Variants in SEMA6D observed in about 807,000 individuals in gnomAD.
The protein encoded by SEMA6D is semaphorin-6D.
SEMA6D carries 35 observed loss-of-function variants against 106.6 expected under a neutral mutation model. The observed-to-expected ratio is 0.33, with a 90% CI of 0.25 to 0.44. The LOEUF (loss-of-function observed/expected upper bound fraction) is 0.44, where lower values mean the gene tolerates loss of function less well. Ranked by LOEUF, SEMA6D falls within the 20% of genes least tolerant of loss-of-function variation. SEMA6D has a pLI of 1.00. For missense variants in SEMA6D, 1,185 were observed against 1,345.9 expected (o/e 0.88, Z 1.87); for synonymous variants, 499 against 487.7 (o/e 1.02, Z -0.31).
At chr15:47,517,529 G>C (rs2044427655) in intron 3 of SEMA6D, among the ~76,000 whole-genome samples, 1 of 152,124 alleles carries the variant, frequency 6.6e-6, no homozygotes, top group Non-Finnish European at 1.5e-5. Flanking sequence ...TCAGGAAACA[G>C]ACTGGGAACA....
At chr15:47,643,156 C>T (rs971452100) in intron 4 of SEMA6D, among the ~76,000 whole-genome samples, 12 of 152,192 alleles carry the variant, frequency 7.9e-5, no homozygotes, top group Non-Finnish European at 1.5e-4. Flanking sequence ...TCTTTTTCAG[C>T]AGTAGCTGCA....
chr15:47,725,287 T>G (rs1417696417), intron 1 of SEMA6D, among the ~76,000 whole-genome samples: 1 of 152,228 alleles, frequency 6.6e-6, no homozygotes, highest in Non-Finnish European at 1.5e-5. Context: ...GCAAGTGTTT[T>G]AATAAATGCG....
Position 47,764,876 on chromosome 15 carries a change from C to T in SEMA6D, c.1254-7C>T, listed in dbSNP as rs745586514. On this transcript the variant is annotated splice_polypyrimidine_tract_variant and splice_region_variant and intron_variant, in intron 12 of 18. Coordinates refer to ENST00000536845, the MANE Select transcript of SEMA6D (RefSeq NM_001358351.3). The stretch of plus-strand genomic sequence containing the variant: ...CCCCTTCTGATCTGTGCCGCCTCCT[C>T]TTGTAGGTACAGACTGACGGCCATC... 6.2e-7 allele frequency: 1 copy of T among 1,613,836 alleles called. No homozygotes were observed. Among genetic ancestry groups the T allele is most frequent in the Non-Finnish European group, 8.5e-7 (1 of 1,179,806 alleles).
chr15:47,764,430 G>A, intron 11 of SEMA6D, 125 bp downstream of exon 11: 1 of 1,312,372 alleles, frequency 7.6e-7, no homozygotes, highest in South Asian at 1.5e-5. Context: ...CTCAGACAGA[G>A]CCAGCAGACA....
chr15:47,770,556 A>G lies in SEMA6D; in HGVS notation c.1993A>G (p.Ile665Val), dbSNP rs777151346. 1 of 1,613,566 alleles carries G rather than the reference A, an allele frequency of 6.2e-7. No homozygotes were observed. Among genetic ancestry groups the G allele is most frequent in the Non-Finnish European group, 8.5e-7 (1 of 1,179,586 alleles). The change falls in exon 19 of 19, where the codon ATC becomes GTC. Residue 665 changes from isoleucine (I) to valine (V), a missense_variant. Ile to Val is a conservative substitution (Grantham distance 29). Transcript: ENST00000536845. Reference protein sequence around the residue: ...SNQMVHMNVLITCVFAAFVLG... With the variant: ...SNQMVHMNVLVTCVFAAFVLG... ...CCAGATGGTCCACATGAATGTCCTC[A>G]TCACCTGTGTCTTTGCTGCTTTTGT... is the stretch of plus-strand genomic sequence containing the variant.
At chr15:47,739,746 A>G (rs2080687936) in intron 1 of SEMA6D, among the ~76,000 whole-genome samples, 1 of 152,154 alleles carries the variant, frequency 6.6e-6, no homozygotes, top group East Asian at 1.9e-4. Flanking sequence ...TCCAAGAGAG[A>G]ATTTGGAACA....
chr15:47,747,003 T>TATATATATATATA (rs1555422789), intron 1 of SEMA6D, among the ~76,000 whole-genome samples: 3 of 149,294 alleles, frequency 2.0e-5, no homozygotes, highest in Admixed American at 6.7e-5. Flanking sequence ...TATATATATA[T>TATATATATATATA]TTCGATTGTA....
At chr15:47,599,308 G>A (rs752737258) in intron 3 of SEMA6D, among the ~76,000 whole-genome samples, 6 of 152,074 alleles carry the variant, frequency 3.9e-5, no homozygotes, top group African/African-American at 1.4e-4. Context: ...TCTAGCCAAC[G>A]GCAAGGAGGT....
intron 2 of SEMA6D, among the ~76,000 whole-genome samples, chr15:47,460,858 A>G (rs2042486082): frequency 6.6e-6 from 1 of 152,108 alleles, no homozygotes; most frequent in African/African-American, 2.4e-5. Flanking sequence ...AGCAGATTTA[A>G]TGACCCGGAA....
intron 3 of SEMA6D, among the ~76,000 whole-genome samples, chr15:47,537,664 A>G (rs2045213995): frequency 6.6e-6 from 1 of 152,184 alleles, no homozygotes; most frequent in African/African-American, 2.4e-5. Context: ...GGCAGTTGGA[A>G]TTAGGAGATG....
At chr15:47,624,053 C>T (rs1328547572) in intron 4 of SEMA6D, among the ~76,000 whole-genome samples, 2 of 152,156 alleles carry the variant, frequency 1.3e-5, no homozygotes, top group African/African-American at 4.8e-5. Flanking sequence ...CACCAGTTCT[C>T]CTGATCCCCC....
At chr15:47,215,870 T>C (rs905843773) in intron 1 of SEMA6D, among the ~76,000 whole-genome samples, 12 of 152,202 alleles carry the variant, frequency 7.9e-5, no homozygotes, top group Non-Finnish European at 1.6e-4. Flanking sequence ...TGAAGTACTG[T>C]GACAGAGAGG....
chr15:47,673,457 C>G (rs573733078), intron 4 of SEMA6D, among the ~76,000 whole-genome samples: 1 of 152,300 alleles, frequency 6.6e-6, no homozygotes, highest in South Asian at 2.1e-4. Flanking sequence ...ATGGCTGTCT[C>G]CCAGAATCCA....
intron 4 of SEMA6D, among the ~76,000 whole-genome samples, chr15:47,703,809 CTG>C (rs577805417): frequency 2.0e-5 from 3 of 152,132 alleles, no homozygotes; most frequent in Admixed American, 1.3e-4. Context: ...AGGTTTAACT[CTG>C]TGTGTATTTA....
intron 3 of SEMA6D, among the ~76,000 whole-genome samples, chr15:47,595,066 G>A (rs2076509227): frequency 6.6e-6 from 1 of 152,164 alleles, no homozygotes; most frequent in African/African-American, 2.4e-5. Flanking sequence ...GGTGCCAGAG[G>A]TTGAAAGTCT....
intron 10 of SEMA6D, 40 bp downstream of exon 10, chr15:47,764,107 A>G: frequency 6.2e-7 from 1 of 1,613,156 alleles, no homozygotes; most frequent in Non-Finnish European, 8.5e-7. Flanking sequence ...TATTCTCTGC[A>G]TGCCTGTCAG....
At chr15:47,354,209 A>C (rs1376429026) in intron 1 of SEMA6D, among the ~76,000 whole-genome samples, 2,816 of 49,948 alleles carry the variant, frequency 0.056, 71 homozygotes, top group East Asian at 0.08. Context: ...CTATATATAT[A>C]TATATATATA....
chr15:47,712,483 T>C (rs2079039826), intron 4 of SEMA6D, among the ~76,000 whole-genome samples: 1 of 152,202 alleles, frequency 6.6e-6, no homozygotes, highest in African/African-American at 2.4e-5. Flanking sequence ...CAAAGAGCTG[T>C]GGTGAGAATT....
intron 1 of SEMA6D, among the ~76,000 whole-genome samples, chr15:47,306,541 G>A (rs528798292): frequency 6.6e-6 from 1 of 152,162 alleles, no homozygotes; most frequent in African/African-American, 2.4e-5. Context: ...GGCCAACATG[G>A]CAAAACCCTG....
Sources: gnomAD v4.1 joint callset for allele counts (sites outside exome capture counted in the v4.1 genomes callset) on GRCh38, gnomAD v4.1.1 for gene constraint, MANE v1.5 for transcripts, NCBI Gene and HGNC (gene_info 2026-07-23, HGNC 2026-07-21) for gene names.